Variants in SYT1 observed in about 807,000 individuals in gnomAD.
SYT1 encodes synaptotagmin-1.
Under a neutral mutation model 44.8 loss-of-function variants are expected in SYT1, and 8 were observed. The observed-to-expected ratio is 0.18, with a 90% CI of 0.10 to 0.32. The LOEUF (loss-of-function observed/expected upper bound fraction) is 0.32. Among genes scored for constraint, SYT1 ranks in the 10% least tolerant of loss-of-function variants. SYT1 has a pLI of 1.00. For synonymous variants in SYT1, 154 were observed against 188.8 expected (o/e 0.82, Z 1.51); for missense variants, 286 against 509.3 (o/e 0.56, Z 4.22).
At chr12:79,389,963 T>A (rs151200829) in intron 9 of SYT1, among the ~76,000 whole-genome samples, 1,774 of 151,992 alleles carry the variant, frequency 0.012, 26 homozygotes, top group African/African-American at 0.034. Context: ...GACGGAGTCT[T>A]GCTCTGTTGC....
intron 1 of SYT1, among the ~76,000 whole-genome samples, chr12:78,883,213 A>G (rs1357921141): frequency 9.2e-5 from 14 of 151,824 alleles, no homozygotes; most frequent in Non-Finnish European, 1.6e-4. Context: ...AAAAAATAAG[A>G]TTGAGTTAAG....
intron 2 of SYT1, among the ~76,000 whole-genome samples, chr12:79,040,969 T>C (rs1321166712): frequency 1.3e-5 from 2 of 151,954 alleles, no homozygotes; most frequent in Non-Finnish European, 2.9e-5. Context: ...CTCTGTTCTG[T>C]TCCATTGATC....
At chr12:79,297,924 CAATA>C (rs961288166) in intron 7 of SYT1, among the ~76,000 whole-genome samples, 42 of 152,266 alleles carry the variant, frequency 2.8e-4, no homozygotes, top group African/African-American at 9.6e-4. Flanking sequence ...ATCATTCAAA[CAATA>C]AATATTTTTA....
intron 4 of SYT1, among the ~76,000 whole-genome samples, chr12:79,220,833 T>G (rs1875115608): frequency 6.6e-6 from 1 of 152,176 alleles, no homozygotes; most frequent in African/African-American, 2.4e-5. Context: ...TATTAAGACT[T>G]ATTTTGTGGC....
At chr12:78,946,012 C>G (rs1878638057) in intron 1 of SYT1, among the ~76,000 whole-genome samples, 1 of 152,100 alleles carries the variant, frequency 6.6e-6, no homozygotes, top group Admixed American at 6.6e-5. Flanking sequence ...AATTCAGGAC[C>G]TTTTCTTTCA....
At chr12:78,876,465 T>G (rs917928543) in intron 1 of SYT1, among the ~76,000 whole-genome samples, 3 of 111,274 alleles carry the variant, frequency 2.7e-5, no homozygotes, top group Admixed American at 2.5e-4. Context: ...ATGGAGGTGT[T>G]TTTTTTTTTT....
At chr12:78,889,886 C>A (rs1001361171) in intron 1 of SYT1, among the ~76,000 whole-genome samples, 10 of 151,872 alleles carry the variant, frequency 6.6e-5, no homozygotes, top group Non-Finnish European at 1.3e-4. Context: ...GACACTGGTC[C>A]ATTTCCCAAA....
At chr12:78,939,251 G>C (rs964974876) in intron 1 of SYT1, among the ~76,000 whole-genome samples, 1 of 152,204 alleles carries the variant, frequency 6.6e-6, no homozygotes, top group African/African-American at 2.4e-5. Context: ...TTATTAAAGA[G>C]AATCGAGTTT....
intron 1 of SYT1, among the ~76,000 whole-genome samples, chr12:78,873,327 A>C (rs1873916318): frequency 6.6e-6 from 1 of 151,742 alleles, no homozygotes; most frequent in African/African-American, 2.4e-5. Context: ...ATCATTATTG[A>C]GTATAAGATA....
Position 79,320,490 on chromosome 12 carries a change from A to C in SYT1, c.810+20939A>C, listed in dbSNP as rs1279465382. On this transcript the variant is annotated intron_variant, in intron 8 of 10. Transcript: ENST00000261205. Reference sequence around the variant, plus strand: ...TATAACTTAGCTAAATTTTTGTGTTAGATCTGAATCTTGGAGCATAACTAG... The same window carrying C: ...TATAACTTAGCTAAATTTTTGTGTTCGATCTGAATCTTGGAGCATAACTAG... 2.0e-5 allele frequency among the ~76,000 whole-genome samples: 3 copies of C among 152,186 alleles called. No homozygotes were observed. In the East Asian group the frequency reaches 5.8e-4, roughly 29 times the overall value.
At chr12:79,242,163 C>T (rs1171509914) in intron 4 of SYT1, among the ~76,000 whole-genome samples, 1 of 152,168 alleles carries the variant, frequency 6.6e-6, no homozygotes, top group African/African-American at 2.4e-5. Context: ...TTACAGCAGT[C>T]ATAGGAAACA....
chr12:79,373,098 C>T (rs901494515), intron 9 of SYT1, among the ~76,000 whole-genome samples: 2 of 152,088 alleles, frequency 1.3e-5, no homozygotes, highest in African/African-American at 4.8e-5. Context: ...ATTCTTTTCT[C>T]AAAATTATAT....
intron 1 of SYT1, among the ~76,000 whole-genome samples, chr12:78,974,339 A>G (rs1197083498): frequency 6.6e-6 from 1 of 152,072 alleles, no homozygotes; most frequent in Non-Finnish European, 1.5e-5. Flanking sequence ...GATAAGTGCT[A>G]TGAAGAAAAA....
chr12:79,324,209 C>G (rs1881503998), intron 8 of SYT1, among the ~76,000 whole-genome samples: 1 of 152,038 alleles, frequency 6.6e-6, no homozygotes, highest in Non-Finnish European at 1.5e-5. Context: ...CTCGGCCTCC[C>G]AAAGTGCTGG....
intron 3 of SYT1, among the ~76,000 whole-genome samples, chr12:79,205,125 T>A (rs1465543195): frequency 2.0e-5 from 3 of 151,904 alleles, no homozygotes; most frequent in African/African-American, 7.3e-5. Flanking sequence ...CCACCACGAC[T>A]GGCTAATTTT....
At chr12:79,315,397 T>G (rs565130051) in intron 8 of SYT1, among the ~76,000 whole-genome samples, 1 of 152,228 alleles carries the variant, frequency 6.6e-6, no homozygotes, top group South Asian at 2.1e-4. Flanking sequence ...TTTGTTTGTT[T>G]GTAGAGACTG....
At chr12:79,429,874 A>T (rs998820687) in intron 9 of SYT1, among the ~76,000 whole-genome samples, 1 of 152,216 alleles carries the variant, frequency 6.6e-6, no homozygotes. Context: ...TGTGATTTAC[A>T]AAAGTCTACA....
intron 3 of SYT1, among the ~76,000 whole-genome samples, chr12:79,173,823 A>G (rs1871696325): frequency 6.6e-6 from 1 of 152,042 alleles, no homozygotes; most frequent in Non-Finnish European, 1.5e-5. Flanking sequence ...GACTTTCTTT[A>G]TTAATATTTA....
At chr12:79,222,895 C>A (rs1367506208) in intron 4 of SYT1, among the ~76,000 whole-genome samples, 1 of 152,094 alleles carries the variant, frequency 6.6e-6, no homozygotes, top group Non-Finnish European at 1.5e-5. Flanking sequence ...ATACCCTCTA[C>A]TGCATTTTTT....
Sources: allele counts gnomAD v4.1 joint callset (sites outside exome capture counted in the v4.1 genomes callset), GRCh38; gene constraint gnomAD v4.1.1; transcripts MANE v1.5; gene names NCBI Gene and HGNC (gene_info 2026-07-23, HGNC 2026-07-21).